SH3BGRL: variants seen among roughly 807,000 people sequenced by gnomAD.
SH3BGRL encodes SH3 domain binding glutamate rich protein like, also known as adapter SH3BGRL.
In SH3BGRL, 7 loss-of-function variants were observed where a neutral mutation model predicts 9.8. That is an observed-to-expected ratio of 0.72 (90% confidence interval 0.41 to 1.35). The LOEUF (loss-of-function observed/expected upper bound fraction) is 1.35, where lower values mean the gene tolerates loss of function less well. SH3BGRL is among the 40% of genes most tolerant of loss of function. SH3BGRL has a pLI of 0.01. For missense variants in SH3BGRL, 73 were observed against 84.4 expected (o/e 0.86, Z 0.53); for synonymous variants, 36 against 29.1 (o/e 1.24, Z -0.76).
At chrX:81,251,424 T>C (rs1158522885) in intron 1 of SH3BGRL, among the ~76,000 whole-genome samples, 1 of 111,369 alleles carries the variant, frequency 9.0e-6, no homozygotes, top group Non-Finnish European at 1.9e-5. Context: ...TTACTGTTTT[T>C]TTTTTATTTA....
At chrX:81,248,397 T>G (rs1408419839) in intron 1 of SH3BGRL, among the ~76,000 whole-genome samples, 1 of 112,201 alleles carries the variant, frequency 8.9e-6, no homozygotes, top group African/African-American at 3.2e-5. Flanking sequence ...CGGACCAGGC[T>G]GGGGCACCCA....
chrX:81,202,754 G>C (rs2075533513), intron 1 of SH3BGRL: 1 of 140,006 alleles, frequency 7.1e-6, no homozygotes, highest in African/African-American at 3.2e-5. Flanking sequence ...GTTATTTTGA[G>C]AGTGTGTAGA....
intron 1 of SH3BGRL, among the ~76,000 whole-genome samples, chrX:81,233,921 C>T (rs2075640046): frequency 8.9e-6 from 1 of 111,791 alleles, no homozygotes; most frequent in African/African-American, 3.2e-5. Flanking sequence ...ACAGAAATTA[C>T]AGTTGTTTGC....
At chrX:81,219,593 A>T (rs1602596404) in intron 1 of SH3BGRL, among the ~76,000 whole-genome samples, 1 of 111,797 alleles carries the variant, frequency 8.9e-6, no homozygotes, top group Admixed American at 9.5e-5. Flanking sequence ...TCTTTATTTC[A>T]AATTGGGATG....
chrX:81,221,097 G>T (rs2087071226), intron 1 of SH3BGRL, among the ~76,000 whole-genome samples: 1 of 111,651 alleles, frequency 9.0e-6, no homozygotes, highest in Admixed American at 9.5e-5. Context: ...TGCAGGCATT[G>T]AATGATATGT....
chrX:81,250,005 A>T (rs2075703921), intron 1 of SH3BGRL, among the ~76,000 whole-genome samples: 1 of 110,917 alleles, frequency 9.0e-6, no homozygotes, highest in Non-Finnish European at 1.9e-5. Flanking sequence ...AAATATTTTT[A>T]ATATAATGAA....
intron 1 of SH3BGRL, among the ~76,000 whole-genome samples, chrX:81,211,070 A>G (rs763550142): frequency 8.9e-6 from 1 of 112,420 alleles, no homozygotes; most frequent in Admixed American, 9.4e-5. Context: ...AGGGTGAGAT[A>G]TGTTTTATTG....
chrX:81,227,637 T>C (rs759445755), intron 1 of SH3BGRL, among the ~76,000 whole-genome samples: 2 of 112,396 alleles, frequency 1.8e-5, no homozygotes, highest in South Asian at 3.6e-4. Context: ...GCTATCTTGA[T>C]AAATCTCTAA....
At chrX:81,259,613 C>G (rs1252479374) in intron 1 of SH3BGRL, among the ~76,000 whole-genome samples, 1 of 112,137 alleles carries the variant, frequency 8.9e-6, no homozygotes, top group Non-Finnish European at 1.9e-5. Context: ...GCTAGGCTAG[C>G]ACTTGTCACA....
intron 1 of SH3BGRL, among the ~76,000 whole-genome samples, chrX:81,270,670 G>T (rs1258650339): frequency 8.9e-6 from 1 of 112,020 alleles, no homozygotes; most frequent in Non-Finnish European, 1.9e-5. Flanking sequence ...TCCCAGTCAG[G>T]CTACACGGGG....
intron 1 of SH3BGRL, among the ~76,000 whole-genome samples, chrX:81,212,350 AAC>A (rs747361686): frequency 8.9e-6 from 1 of 112,164 alleles, no homozygotes; most frequent in South Asian, 3.7e-4. Flanking sequence ...TAACAAGACA[AAC>A]ACCTGGTGGG....
chrX:81,213,874 G>C (rs757855079), intron 1 of SH3BGRL, among the ~76,000 whole-genome samples: 5 of 112,167 alleles, frequency 4.5e-5, no homozygotes, highest in African/African-American at 1.6e-4. Context: ...AGATGGAAAC[G>C]TGTGACTAGA....
chrX:81,288,337 G>A (rs1178341966), intron 3 of SH3BGRL, among the ~76,000 whole-genome samples: 2 of 112,006 alleles, frequency 1.8e-5, no homozygotes, highest in Non-Finnish European at 3.8e-5. Flanking sequence ...GTATCATACT[G>A]AATGAGGAAA....
At chrX:81,269,717 G>A (rs1028815502) in intron 1 of SH3BGRL, among the ~76,000 whole-genome samples, 3 of 110,591 alleles carry the variant, frequency 2.7e-5, no homozygotes, top group Non-Finnish European at 3.8e-5. Context: ...TTCTTGAGGG[G>A]TATCTTTGTG....
intron 1 of SH3BGRL, among the ~76,000 whole-genome samples, chrX:81,203,257 T>C (rs1314197545): frequency 1.8e-5 from 2 of 111,871 alleles, no homozygotes; most frequent in Non-Finnish European, 3.8e-5. Context: ...TCTTGAGCTT[T>C]AGAGCAGCAG....
chrX:81,246,643 C>CT (rs1353578103), intron 1 of SH3BGRL, among the ~76,000 whole-genome samples: 5 of 110,193 alleles, frequency 4.5e-5, no homozygotes, highest in Admixed American at 2.9e-4. Flanking sequence ...TCTGGGTTCT[C>CT]TATTTTTTTT....
chrX:81,285,111 A>G (rs956636178), intron 3 of SH3BGRL, among the ~76,000 whole-genome samples: 2 of 111,413 alleles, frequency 1.8e-5, no homozygotes, highest in Non-Finnish European at 3.8e-5. Context: ...GATCCATTTC[A>G]TGTCAGAATG....
At chrX:81,277,457 T>A (rs1015891255) in intron 2 of SH3BGRL, among the ~76,000 whole-genome samples, 2 of 112,570 alleles carry the variant, frequency 1.8e-5, no homozygotes, top group African/African-American at 6.5e-5. Flanking sequence ...AATTTAGTCA[T>A]GTGAAGATTC....
chrX:81,271,168 C>G, intron 1 of SH3BGRL, among the ~76,000 whole-genome samples: 1 of 111,841 alleles, frequency 8.9e-6, no homozygotes, highest in African/African-American at 3.3e-5. Context: ...CTTTCCTTGG[C>G]CAGGAAAGGG....
Sources: gnomAD v4.1 joint callset for allele counts (sites outside exome capture counted in the v4.1 genomes callset) on GRCh38, gnomAD v4.1.1 for gene constraint, MANE v1.5 for transcripts, NCBI Gene and HGNC (gene_info 2026-07-23, HGNC 2026-07-21) for gene names.